PRRC2B: variants seen among roughly 807,000 people sequenced by gnomAD.
PRRC2B encodes protein PRRC2B.
Under a neutral mutation model 242.3 loss-of-function variants are expected in PRRC2B, and 68 were observed. The ratio of observed to expected loss-of-function variants is 0.28; its 90% CI spans 0.23 to 0.34. The LOEUF (loss-of-function observed/expected upper bound fraction) is 0.34, where lower values mean the gene tolerates loss of function less well. Among genes scored for constraint, PRRC2B ranks in the 10% least tolerant of loss-of-function variants. The pLI is 1.00. For synonymous variants in PRRC2B, 1,228 were observed against 1,173.6 expected, an observed-to-expected ratio of 1.05 and a Z score of -0.95; for missense variants, 2,835 against 2,954.8, an observed-to-expected ratio of 0.96 and a Z score of 0.94.
chr9:131,445,438 C>CAG (rs1838767270), intron 6 of PRRC2B, among the ~76,000 whole-genome samples: 2 of 152,308 alleles, frequency 1.3e-5, no homozygotes, highest in East Asian at 3.9e-4. Flanking sequence ...GGATTACAGG[C>CAG]GTGAGCCACC....
At chr9:131,421,995 G>A (rs1190128843) in intron 1 of PRRC2B, among the ~76,000 whole-genome samples, 1 of 152,106 alleles carries the variant, frequency 6.6e-6, no homozygotes, top group African/African-American at 2.4e-5. Flanking sequence ...GCCTGGCCCT[G>A]CACTCGGCAG....
chr9:131,414,490 C>T (rs1460642711), intron 1 of PRRC2B, among the ~76,000 whole-genome samples: 2 of 149,088 alleles, frequency 1.3e-5, no homozygotes, highest in South Asian at 4.4e-4. Flanking sequence ...GATAATCCAT[C>T]CTGTTTGTTC....
chr9:131,426,361 GAAAA>G (rs1393762599), intron 1 of PRRC2B, among the ~76,000 whole-genome samples: 6 of 131,896 alleles, frequency 4.5e-5, no homozygotes, highest in African/African-American at 1.1e-4. Flanking sequence ...AAAAAAAAAA[GAAAA>G]AGAAAAAAAG....
intron 5 of PRRC2B, among the ~76,000 whole-genome samples, chr9:131,440,173 CTGGGA>C: frequency 6.6e-6 from 1 of 152,296 alleles, no homozygotes; most frequent in Admixed American, 6.5e-5. Flanking sequence ...TCCCAGAGTG[CTGGGA>C]TTACAGACGT....
chr9:131,411,256 G>T (rs1179859026), intron 1 of PRRC2B, among the ~76,000 whole-genome samples: 1 of 151,936 alleles, frequency 6.6e-6, no homozygotes, highest in African/African-American at 2.4e-5. Context: ...GACTGTGTCG[G>T]CAGGGGAAGA....
chr9:131,383,015 G>A (rs984398116), intron 1 of PRRC2B, among the ~76,000 whole-genome samples: 20 of 152,030 alleles, frequency 1.3e-4, no homozygotes, highest in Non-Finnish European at 2.9e-4. Flanking sequence ...ACCAGACAGC[G>A]TGGGATGTCC....
At chr9:131,452,160 T>G (rs1942942593) in intron 9 of PRRC2B, among the ~76,000 whole-genome samples, 1 of 151,976 alleles carries the variant, frequency 6.6e-6, no homozygotes, top group South Asian at 2.1e-4. Flanking sequence ...TTTTTCTTTC[T>G]TTTTTGAGAC....
chr9:131,476,442 G>T lies in PRRC2B; in HGVS notation c.4313G>T (p.Gly1438Val). Residue 1438 changes from glycine (G) to valine (V), a missense_variant, in exon 16 of 32, where the codon GGA becomes GTA. This residue lies in a region of PRRC2B where 1,536 missense variants were observed against 1,483.1 expected (regional missense o/e 1.04). Transcript: ENST00000683519. ...AGACAGAGCCGAAAGCTGGAGCCGG[G>T]AGGGTTTGGGGAGAAGCCCGTTAGG... ...VDRQSRKLEP[G>V]GFGEKPVRPG... 2 of 1,613,150 alleles carry T rather than the reference G, an allele frequency of 1.2e-6. No individual in the cohort carries two copies. The highest frequency in any genetic ancestry group is 1.7e-6 in the Non-Finnish European group (2 of 1,179,684).
chr9:131,460,414 C>G (rs1419970594), intron 11 of PRRC2B, among the ~76,000 whole-genome samples: 1 of 152,180 alleles, frequency 6.6e-6, no homozygotes, highest in Non-Finnish European at 1.5e-5. Context: ...GTGAAGAAGT[C>G]CACAGTTTCC....
At chr9:131,448,411 G>A (rs753299015) in intron 9 of PRRC2B, among the ~76,000 whole-genome samples, 1 of 151,572 alleles carries the variant, frequency 6.6e-6, no homozygotes, top group Non-Finnish European at 1.5e-5. Flanking sequence ...AGGTGTGGTG[G>A]CGCGTGCCTG....
intron 17 of PRRC2B, 119 bp from the exon 18 acceptor site, chr9:131,478,355 G>T: frequency 2.0e-6 from 2 of 993,032 alleles, no homozygotes; most frequent in African/African-American, 1.6e-5. Flanking sequence ...GAAAAGTGCG[G>T]AAGTCCTGTC....
Position 131,478,592 on chromosome 9 carries a change from GAGA to G in PRRC2B, c.4736_4738del (p.Arg1579del). On this transcript the variant is annotated inframe_deletion, in exon 18 of 32. Transcript: ENST00000683519. ...AGCAGCGCCGCCTGCTGGAGGAAGA[GAGA>G]AGAAAGAAGGAGCAGGCCGTGCAGG... The G allele has an allele frequency of 1.5e-6, 2 of 1,376,268 alleles. No individual in the cohort carries two copies. The highest frequency in any genetic ancestry group is 9.7e-7 in the Non-Finnish European group (1 of 1,028,244). 85.3% of individuals were successfully genotyped at this position (1,376,268 alleles called of 1,614,324 possible). A position where few individuals can be genotyped will look rare whatever the true frequency, so the allele number is the denominator to read the frequency against.
Position 131,487,370 on chromosome 9 carries a change from C to G in PRRC2B, c.5984+76C>G. 7.6e-7 allele frequency: 1 copy of G among 1,314,232 alleles called. No individual in the cohort carries two copies. The highest frequency in any genetic ancestry group is 1.5e-5 in the South Asian group (1 of 67,776). The allele number at this position is 1,314,232 out of a possible 1,614,324, so 81.4% of individuals were successfully genotyped here. On this transcript the variant is annotated intron_variant, in intron 27 of 31. Coordinates refer to ENST00000683519, the MANE Select transcript of PRRC2B (RefSeq NM_013318.4). The surrounding 1 kb of genome is among the most constrained non-coding windows in gnomAD (Gnocchi z 5.3). Reference sequence around the variant, plus strand: ...GGCCCTGTGTGCAGCCTTCGTCCTGCAGCTGTTTGGTGCTTGTCTGCTTTG... The same window carrying G: ...GGCCCTGTGTGCAGCCTTCGTCCTGGAGCTGTTTGGTGCTTGTCTGCTTTG...
At chr9:131,439,851 A>T (rs963218868) in intron 5 of PRRC2B, among the ~76,000 whole-genome samples, 1 of 151,474 alleles carries the variant, frequency 6.6e-6, no homozygotes, top group Admixed American at 6.6e-5. Context: ...CTCCCACCTC[A>T]GCTTCCTGAG....
chr9:131,482,040 A>C lies in PRRC2B; in HGVS notation c.4983+232A>C, dbSNP rs1943885791. 6.6e-6 allele frequency among the ~76,000 whole-genome samples: 1 copy of C among 152,142 alleles called. No homozygotes were observed. Among genetic ancestry groups the C allele is most frequent in the African/African-American group, 2.4e-5 (1 of 41,430 alleles). On this transcript the variant is annotated intron_variant, in intron 20 of 31. Coordinates refer to ENST00000683519, the MANE Select transcript of PRRC2B (RefSeq NM_013318.4). The surrounding 1 kb of genome is among the most constrained non-coding windows in gnomAD (Gnocchi z 5.2). Reference sequence around the variant, plus strand: ...AAGAGAAAAGGGGTAACAAGGGAGGACCCAACGCTGGGTGGGAAGAGGGAT... The same window carrying C: ...AAGAGAAAAGGGGTAACAAGGGAGGCCCCAACGCTGGGTGGGAAGAGGGAT...
intron 28 of PRRC2B, chr9:131,490,714 C>T (rs1442306651): frequency 1.8e-4 from 75 of 422,738 alleles, no homozygotes; most frequent in Admixed American, 8.1e-5. Flanking sequence ...TTCAAAGGAC[C>T]CCCACAGTCT....
chr9:131,487,863 G>C lies in PRRC2B; in HGVS notation c.5992G>C (p.Val1998Leu). The C allele has an allele frequency of 6.2e-7, 1 of 1,609,800 alleles. No individual in the cohort carries two copies. Among genetic ancestry groups the C allele is most frequent in the Non-Finnish European group, 8.5e-7 (1 of 1,176,558 alleles). ...TCTGTCTGGCTTTTGCAGATCTCAG[G>C]TGTACATGCACCCCAGCCTGTCACC... ...FSSLQPFRSQ[V>L]YMHPSLSPPS... The change falls in exon 28 of 32, where the codon GTG (valine) becomes CTG (leucine). Residue 1998 changes from valine (V) to leucine (L), a missense_variant. Physicochemically the swap from Val to Leu is conservative, Grantham distance 32 (BLOSUM62 1). Coordinates refer to ENST00000683519, the MANE Select transcript of PRRC2B (RefSeq NM_013318.4). This position sits in a 1 kb window ranked among gnomAD's most constrained non-coding sequence, Gnocchi z 5.3.
Position 131,488,031 on chromosome 9 carries a change from G to A in PRRC2B, c.6160G>A (p.Glu2054Lys), listed in dbSNP as rs776375101. The change falls in exon 28 of 32, where the codon GAG (glutamate) becomes AAG (lysine). Residue 2054 changes from glutamate (E) to lysine (K), a missense_variant. Transcript: ENST00000683519. ...GAGCGGGAACCAAGCCCTGGTCTACGAGGGCCAGCTCAGCCAGGCTGCTGG... is the reference window on the plus strand; with the variant it reads ...GAGCGGGAACCAAGCCCTGGTCTACAAGGGCCAGCTCAGCCAGGCTGCTGG... ...PMSGNQALVY[E>K]GQLSQAAGLG... is the part of the protein sequence containing the mutation. The A allele has an allele frequency of 5.0e-6, 8 of 1,612,760 alleles. No homozygotes were observed. Among genetic ancestry groups the A allele is most frequent in the African/African-American group, 2.7e-5 (2 of 74,890 alleles).
At chr9:131,385,945 G>A (rs889212028) in intron 1 of PRRC2B, among the ~76,000 whole-genome samples, 3 of 150,138 alleles carry the variant, frequency 2.0e-5, no homozygotes, top group South Asian at 2.1e-4. Flanking sequence ...CGCCCACCTC[G>A]GCCTCCCAAA....
Sources: allele counts gnomAD v4.1 joint callset (sites outside exome capture counted in the v4.1 genomes callset), GRCh38; gene constraint gnomAD v4.1.1; regional missense constraint gnomAD v4.1.1; non-coding constraint Gnocchi (gnomAD v3.1); transcripts MANE v1.5; gene names NCBI Gene and HGNC (gene_info 2026-07-23, HGNC 2026-07-21).